MCC: variants seen among roughly 807,000 people sequenced by gnomAD.
The protein encoded by MCC is colorectal mutant cancer protein.
Under a neutral mutation model 116.2 loss-of-function variants are expected in MCC, and 90 were observed. That is an observed-to-expected ratio of 0.77 (90% CI 0.65 to 0.92). MCC has a LOEUF of 0.92. MCC is among the 40% of genes least tolerant of loss of function. MCC has a pLI of 0.00. For synonymous variants in MCC, 578 were observed against 510.5 expected, an observed-to-expected ratio of 1.13 and a Z score of -1.78; for missense variants, 1,516 against 1,312.2, an observed-to-expected ratio of 1.16 and a Z score of -2.40.
chr5:113,250,300 A>C (rs2150343377), intron 3 of MCC, among the ~76,000 whole-genome samples: 1 of 152,370 alleles, frequency 6.6e-6, no homozygotes, highest in South Asian at 2.1e-4. Context: ...AGATAATGAG[A>C]ACAAGTGACT....
chr5:113,253,089 C>G (rs1764862669), intron 3 of MCC, among the ~76,000 whole-genome samples: 1 of 152,170 alleles, frequency 6.6e-6, no homozygotes, highest in South Asian at 2.1e-4. Flanking sequence ...AGACATCTCC[C>G]TACCCCAACC....
chr5:113,333,828 T>TATATATGTATATATGTACATATGTAC (rs139134169), intron 3 of MCC, among the ~76,000 whole-genome samples: 1 of 12,274 alleles, frequency 8.1e-5, no homozygotes. Flanking sequence ...TACATATATG[T>TATATATGTATATATGTACATATGTAC]ATATATGTAT....
chr5:113,051,540 G>C (rs1025854030), intron 15 of MCC, among the ~76,000 whole-genome samples: 1 of 152,122 alleles, frequency 6.6e-6, no homozygotes, highest in Non-Finnish European at 1.5e-5. Flanking sequence ...GCAACAAAGT[G>C]AGACCCTGTT....
intron 2 of MCC, among the ~76,000 whole-genome samples, chr5:113,378,828 T>A (rs1296208987): frequency 6.6e-6 from 1 of 152,240 alleles, no homozygotes; most frequent in Non-Finnish European, 1.5e-5. Context: ...AAGGGCATGT[T>A]TAAACAAAGG....
At chr5:113,388,319 A>C (rs4705817) in intron 1 of MCC, among the ~76,000 whole-genome samples, 28,424 of 152,208 alleles carry the variant, frequency 0.19, 3,182 homozygotes, top group Admixed American at 0.31. Context: ...TCAGTATAGA[A>C]ATACAAAATT....
chr5:113,325,472 A>G (rs1239938241), intron 3 of MCC, among the ~76,000 whole-genome samples: 4 of 150,310 alleles, frequency 2.7e-5, no homozygotes, highest in African/African-American at 4.9e-5. Flanking sequence ...ACTTTGAAAT[A>G]GAAATTCTTC....
intron 3 of MCC, among the ~76,000 whole-genome samples, chr5:113,199,446 A>G (rs1762579973): frequency 6.6e-6 from 1 of 152,212 alleles, no homozygotes; most frequent in Non-Finnish European, 1.5e-5. Context: ...ACTTACTTTG[A>G]ATAGACAAGA....
intron 3 of MCC, among the ~76,000 whole-genome samples, chr5:113,165,774 G>A (rs1195672465): frequency 2.6e-5 from 4 of 152,148 alleles, no homozygotes; most frequent in Non-Finnish European, 5.9e-5. Context: ...TCCATATTAG[G>A]TTCCAGACCT....
chr5:113,184,485 T>TG (rs1180000567), intron 3 of MCC, among the ~76,000 whole-genome samples: 1 of 148,484 alleles, frequency 6.7e-6, no homozygotes, highest in African/African-American at 2.5e-5. Flanking sequence ...TTTTGTTTTT[T>TG]TTTTTTTTTT....
At chr5:113,085,377 G>C (rs957208733) in intron 8 of MCC, 67 bp from the exon 9 acceptor site, 1 of 1,482,308 alleles carries the variant, frequency 6.7e-7, no homozygotes, top group East Asian at 2.3e-5. Context: ...CAGCCAGATG[G>C]GTAGGTGGTG....
At chr5:113,302,692 G>A (rs1766892670) in intron 3 of MCC, among the ~76,000 whole-genome samples, 1 of 152,172 alleles carries the variant, frequency 6.6e-6, no homozygotes, top group Non-Finnish European at 1.5e-5. Context: ...GGTTATTGAT[G>A]AAACAAACTG....
rs368290080 is a variant in MCC, at chr5:113,050,406, C to G, written c.2449-1107G>C. 1.2e-3 allele frequency among the ~76,000 whole-genome samples: 177 copies of G among 152,240 alleles called. 1 individual carries two copies. Among genetic ancestry groups the G allele is most frequent in the African/African-American group, 4.2e-3 (173 of 41,542 alleles). On this transcript the variant is annotated intron_variant, in intron 15 of 18. Transcript: ENST00000408903. ...TCTCACAACCCCCGAAGTCACCCTT[C>G]TGAGGTAATAAACCACAGGCCTGGT...
intron 3 of MCC, among the ~76,000 whole-genome samples, chr5:113,279,477 T>A (rs1765952809): frequency 6.6e-6 from 1 of 152,232 alleles, no homozygotes; most frequent in African/African-American, 2.4e-5. Context: ...TCATTTCTAC[T>A]GGATTAAGAA....
rs200410670 is a variant in MCC at position 113,068,170 on chromosome 5, C to T, written c.1939G>A (p.Glu647Lys). 58 of 1,613,948 alleles carry T rather than the reference C, an allele frequency of 3.6e-5. No individual in the cohort carries two copies. The Admixed American group carries it at 4.0e-4, about 11-fold the overall frequency. The change falls in exon 13 of 19, where the codon GAA (glutamate) becomes AAA (lysine). Residue 647 changes from glutamate (E) to lysine (K), a missense_variant. Transcript: ENST00000408903. ...LALQYSEQCI[E>K]AYELLLALAE... is the part of the protein sequence containing the mutation. ...AGCGCCAGGAGGAGTTCGTAGGCTTCGATGCACTGCTCGCTGAAACAAAGC... is the reference window on the plus strand; with the variant it reads ...AGCGCCAGGAGGAGTTCGTAGGCTTTGATGCACTGCTCGCTGAAACAAAGC...
intron 3 of MCC, among the ~76,000 whole-genome samples, chr5:113,337,111 C>T (rs1009462075): frequency 1.3e-5 from 2 of 152,178 alleles, no homozygotes; most frequent in African/African-American, 4.8e-5. Context: ...GCTTGACTCT[C>T]GTGGCTTGAC....
intron 3 of MCC, among the ~76,000 whole-genome samples, chr5:113,239,362 C>A (rs1764272230): frequency 6.6e-6 from 1 of 152,060 alleles, no homozygotes; most frequent in Non-Finnish European, 1.5e-5. Context: ...GTTTGGAATC[C>A]CAAAAGGGCA....
At chr5:113,308,471 T>G (rs186493119) in intron 3 of MCC, among the ~76,000 whole-genome samples, 4 of 152,178 alleles carry the variant, frequency 2.6e-5, no homozygotes, top group Admixed American at 2.6e-4. Context: ...CCTCCTCAGG[T>G]TGCCCCATCC....
At chr5:113,261,418 A>G (rs6879761) in intron 3 of MCC, among the ~76,000 whole-genome samples, 11,638 of 152,190 alleles carry the variant, frequency 0.076, 823 homozygotes, top group Admixed American at 0.24. Flanking sequence ...CAAACAAAAC[A>G]TGTTTATATT....
chr5:113,435,048 G>C lies in MCC; in HGVS notation c.171-49836C>G, dbSNP rs1770808457. ...GCGAGTGAAGTCACAAAGGAGGAGT[G>C]CCCTGGGGGAATGAGACCCTGGCCT... On this transcript the variant is annotated intron_variant, in intron 1 of 18. Transcript: ENST00000408903. 5.1e-6 allele frequency: 3 copies of C among 589,950 alleles called. No homozygotes were observed. In the South Asian group the frequency reaches 8.8e-5, roughly 17 times the overall value. The allele number at this position is 589,950 out of a possible 1,614,324, so 36.5% of individuals were successfully genotyped here. A position where few individuals can be genotyped will look rare whatever the true frequency, so the allele number is the denominator to read the frequency against.
Sources: gnomAD v4.1 joint callset for allele counts (sites outside exome capture counted in the v4.1 genomes callset) on GRCh38, gnomAD v4.1.1 for gene constraint, MANE v1.5 for transcripts, NCBI Gene and HGNC (gene_info 2026-07-23, HGNC 2026-07-21) for gene names.